Variants in AGBL1 observed in about 807,000 individuals in gnomAD.
The protein encoded by AGBL1 is cytosolic carboxypeptidase 4.
AGBL1 carries 130 observed loss-of-function variants against 118.9 expected under a neutral mutation model. The ratio of observed to expected loss-of-function variants is 1.09; its 90% CI spans 0.95 to 1.26. AGBL1 has a LOEUF of 1.26. Among genes scored for constraint, AGBL1 ranks in the 50% most tolerant of loss-of-function variants. The pLI is 0.00. For missense variants in AGBL1, 1,584 were observed against 1,298.1 expected (o/e 1.22, Z -3.38); for synonymous variants, 555 against 478.9 (o/e 1.16, Z -2.08).
intron 22 of AGBL1, among the ~76,000 whole-genome samples, chr15:86,704,109 C>A (rs781447251): frequency 8.5e-5 from 13 of 152,090 alleles, no homozygotes; most frequent in African/African-American, 2.7e-4. Context: ...GAAACTGGAC[C>A]CCTTCCTTAG....
intron 3 of AGBL1, among the ~76,000 whole-genome samples, chr15:86,151,738 C>G (rs28766923): frequency 0.041 from 6,290 of 152,212 alleles, 428 homozygotes; most frequent in African/African-American, 0.14. Flanking sequence ...GTCAAATTGT[C>G]CCTGTTTGCA....
intron 21 of AGBL1, among the ~76,000 whole-genome samples, chr15:86,560,719 T>A (rs1452586280): frequency 6.6e-6 from 1 of 152,202 alleles, no homozygotes; most frequent in Non-Finnish European, 1.5e-5. Context: ...CGCCACACTG[T>A]CTTCCACAAT....
At chr15:86,305,968 C>T (rs369329214) in intron 17 of AGBL1, among the ~76,000 whole-genome samples, 5 of 151,930 alleles carry the variant, frequency 3.3e-5, no homozygotes, top group African/African-American at 1.2e-4. Context: ...CTGTCTTCTG[C>T]ATTTTTATAC....
chr15:86,751,665 C>T (rs945158911), intron 22 of AGBL1, among the ~76,000 whole-genome samples: 3 of 152,100 alleles, frequency 2.0e-5, no homozygotes, highest in Admixed American at 6.6e-5. Flanking sequence ...CTTGCAGCCT[C>T]CTGAGCAATG....
chr15:86,436,089 C>CTTTT (rs35296563), intron 18 of AGBL1, among the ~76,000 whole-genome samples: 2 of 111,522 alleles, frequency 1.8e-5, no homozygotes, highest in Non-Finnish European at 3.5e-5. Flanking sequence ...CCTTTCCTCT[C>CTTTT]TTTTTTTTTT....
chr15:86,896,413 C>T (rs979546665), intron 22 of AGBL1, among the ~76,000 whole-genome samples: 2 of 151,310 alleles, frequency 1.3e-5, no homozygotes, highest in Admixed American at 6.6e-5. Flanking sequence ...AAAAAAAATA[C>T]CTGCATGGTA....
chr15:86,124,960 G>A (rs1410524207), intron 1 of AGBL1, among the ~76,000 whole-genome samples: 2 of 152,204 alleles, frequency 1.3e-5, no homozygotes, highest in East Asian at 1.9e-4. Context: ...TTAATAAAAA[G>A]GGGTTTTAGA....
At chr15:86,218,869 A>G (rs1303793101) in intron 5 of AGBL1, among the ~76,000 whole-genome samples, 7 of 152,210 alleles carry the variant, frequency 4.6e-5, no homozygotes, top group Non-Finnish European at 8.8e-5. Flanking sequence ...GAGCCTCAAG[A>G]TGAAGACTCA....
chr15:86,468,837 T>G (rs2082440745), intron 18 of AGBL1, among the ~76,000 whole-genome samples: 1 of 152,202 alleles, frequency 6.6e-6, no homozygotes, highest in Non-Finnish European at 1.5e-5. Flanking sequence ...GAGGAACTAT[T>G]CATCTTGAAG....
At chr15:86,917,849 A>G (rs79628131), downstream of AGBL1, among the ~76,000 whole-genome samples, 3,732 of 146,296 alleles carry the variant, frequency 0.026, 54 homozygotes, top group East Asian at 0.053. This position sits in a 1 kb window ranked among gnomAD's most constrained non-coding sequence, Gnocchi z 4.8. Flanking sequence ...AGAGGGCCTC[A>G]GAGAAGTCCT....
At position 86,324,482 on chromosome 15, in the gene AGBL1, TGCATTCATTCATTAGTTTATACG is replaced by T. The variant is rs1387729926; in HGVS notation, c.2374+29096_2374+29118del. Among the ~76,000 whole-genome samples the T allele has an allele frequency of 4.6e-3, 697 of 152,318 alleles. 3 individuals are homozygous for T. Among genetic ancestry groups the T allele is most frequent in the African/African-American group, 0.015 (624 of 41,570 alleles). Reference sequence around the variant, plus strand: ...AGGCAGCTGTGAACATCTCATAGCCTGCATTCATTCATTAGTTTATACGGCATTCATTCATTAGTTTATATGGC... The same window carrying T: ...AGGCAGCTGTGAACATCTCATAGCCTGCATTCATTCATTAGTTTATATGGC... On this transcript the variant is annotated intron_variant, in intron 17 of 22. Coordinates refer to ENST00000614907, the MANE Select transcript of AGBL1 (RefSeq NM_001386094.1).
At chr15:86,494,615 G>T (rs4553593) in intron 18 of AGBL1, among the ~76,000 whole-genome samples, 1 of 151,776 alleles carries the variant, frequency 6.6e-6, no homozygotes, top group African/African-American at 2.4e-5. Flanking sequence ...TACCGATCAG[G>T]CTCATGACTT....
intron 16 of AGBL1, among the ~76,000 whole-genome samples, chr15:86,292,225 T>C (rs2079559172): frequency 6.6e-6 from 1 of 152,016 alleles, no homozygotes; most frequent in South Asian, 2.1e-4. Context: ...ACAAGAGTCC[T>C]TATAAGTGAA....
chr15:86,762,852 G>A (rs1330682087), intron 22 of AGBL1, among the ~76,000 whole-genome samples: 1 of 151,976 alleles, frequency 6.6e-6, no homozygotes, highest in African/African-American at 2.4e-5. Flanking sequence ...GGATAGTTGA[G>A]TGTGTTGTAA....
rs141123071 is a variant in AGBL1, at chr15:86,327,196, G to A, written c.2374+31788G>A. Among the ~76,000 whole-genome samples the A allele has an allele frequency of 2.0e-3, 302 of 152,274 alleles. 1 individual carries two copies. The highest frequency in any genetic ancestry group is 4.9e-3 in the African/African-American group (205 of 41,554). ...GTCTGATGGAACAGAGATAGTCAAT[G>A]TGCGGACTGACCCAATGTGGAGGGT... On this transcript the variant is annotated intron_variant, in intron 17 of 22. Coordinates refer to ENST00000614907, the MANE Select transcript of AGBL1 (RefSeq NM_001386094.1).
chr15:86,698,607 ATTGT>A (rs1391951516), intron 22 of AGBL1, among the ~76,000 whole-genome samples: 4 of 144,024 alleles, frequency 2.8e-5, no homozygotes, highest in East Asian at 2.0e-4. Flanking sequence ...AGTGCTGATC[ATTGT>A]TTTTTTTTTT....
chr15:86,518,208 T>C lies in AGBL1; in HGVS notation c.2556-4602T>C, dbSNP rs992692649. ...TGACTCACTTTTCCTCTGTCTCTGC[T>C]TGTGGTCCTTTCTTGGCTTTAGGAG... On this transcript the variant is annotated intron_variant, in intron 18 of 22. Coordinates refer to ENST00000614907, the MANE Select transcript of AGBL1 (RefSeq NM_001386094.1). Among the ~76,000 whole-genome samples the C allele has an allele frequency of 3.3e-5, 5 of 152,084 alleles. No homozygotes were observed. The East Asian group carries it at 5.8e-4, about 18-fold the overall frequency.
chr15:86,556,846 A>T (rs2083741588), intron 21 of AGBL1, among the ~76,000 whole-genome samples: 1 of 152,196 alleles, frequency 6.6e-6, no homozygotes, highest in South Asian at 2.1e-4. Context: ...CTTCATAAGA[A>T]TGTAAATATT....
chr15:86,946,138 G>T (rs375266024), intron 23 of AGBL1: 1 of 152,162 alleles, frequency 6.6e-6, no homozygotes, highest in Admixed American at 6.5e-5. Context: ...CAGCAACCTA[G>T]GTTCATCCCG....
Sources: gnomAD v4.1 joint callset for allele counts (sites outside exome capture counted in the v4.1 genomes callset) on GRCh38, gnomAD v4.1.1 for gene constraint, Gnocchi (gnomAD v3.1) non-coding constraint, MANE v1.5 for transcripts, NCBI Gene and HGNC (gene_info 2026-07-23, HGNC 2026-07-21) for gene names.